BTBD16: variants seen among roughly 807,000 people sequenced by gnomAD.
BTBD16 encodes the protein BTB domain containing 16, also known as BTB/POZ domain-containing protein 16.
A neutral mutation model predicts 67.4 loss-of-function variants in BTBD16; 66 were observed. The ratio of observed to expected loss-of-function variants is 0.98; its 90% CI spans 0.80 to 1.20. BTBD16 has a LOEUF of 1.20. Among genes scored for constraint, BTBD16 ranks in the 50% most tolerant of loss-of-function variants. The probability of loss-of-function intolerance (pLI) is 0.00; values close to 1 mark genes in which losing one functional copy is unlikely to be tolerated. For synonymous variants in BTBD16, 242 were observed against 236.4 expected, an observed-to-expected ratio of 1.02 and a Z score of -0.22; for missense variants, 634 against 616.0, an observed-to-expected ratio of 1.03 and a Z score of -0.31.
chr10:122,327,390 C>A (rs1183028231), intron 10 of BTBD16: 1 of 154,514 alleles, frequency 6.5e-6, no homozygotes, highest in African/African-American at 2.4e-5. Flanking sequence ...GTTGAGGACT[C>A]ACTGGGAGCC....
chr10:122,289,964 C>G lies in BTBD16; in HGVS notation c.441C>G (p.Ser147=), dbSNP rs748725255. The change falls in exon 6 of 16, where the codon TCC becomes TCG. Residue 147 remains serine, a synonymous_variant. Transcript: ENST00000260723. ...CCCCTGCAAAGAGGATCATCATTTCCTTGAAGATCAATGACCCACTGGTCA... is the reference window on the plus strand; with the variant it reads ...CCCCTGCAAAGAGGATCATCATTTCGTTGAAGATCAATGACCCACTGGTCA... ...EKSPAKRIII[S]LKINDPLVTK... 1.2e-6 allele frequency: 2 copies of G among 1,613,670 alleles called. No individual in the cohort carries two copies. The highest frequency in any genetic ancestry group is 1.7e-6 in the Non-Finnish European group (2 of 1,179,792).
At chr10:122,282,279 C>T (rs554730695) in intron 3 of BTBD16, among the ~76,000 whole-genome samples, 16 of 152,334 alleles carry the variant, frequency 1.1e-4, no homozygotes, top group Admixed American at 5.9e-4. Flanking sequence ...ACCCAAGCCA[C>T]GAGGGGGATC....
chr10:122,298,859 G>A (rs2096388457), intron 8 of BTBD16, 145 bp from the exon 9 acceptor site: 1 of 1,007,178 alleles, frequency 9.9e-7, no homozygotes, highest in South Asian at 1.8e-5. Context: ...AAAGGTATCT[G>A]CTGTAATTCA....
chr10:122,275,245 C>G, intron 2 of BTBD16, 146 bp downstream of exon 2: 1 of 775,976 alleles, frequency 1.3e-6, no homozygotes, highest in South Asian at 1.6e-5. Context: ...AGAGCGCGTC[C>G]AGGCAGCACC....
intron 4 of BTBD16, among the ~76,000 whole-genome samples, chr10:122,284,903 T>C (rs905417361): frequency 2.6e-5 from 4 of 152,142 alleles, no homozygotes; most frequent in Admixed American, 2.0e-4. Flanking sequence ...TGACATCCAG[T>C]GAGTGAATAT....
At chr10:122,329,366 C>T in intron 10 of BTBD16, 114 bp from the exon 11 acceptor site, 1 of 939,498 alleles carries the variant, frequency 1.1e-6, no homozygotes, top group Non-Finnish European at 1.6e-6. Context: ...GAGGCCCCAT[C>T]TCCCCCTGGC....
chr10:122,316,373 T>C (rs1045495604), intron 10 of BTBD16, among the ~76,000 whole-genome samples: 20 of 152,216 alleles, frequency 1.3e-4, no homozygotes, highest in African/African-American at 4.1e-4. Flanking sequence ...TCACTCTAGA[T>C]TTGTTTGCAT....
intron 8 of BTBD16, 147 bp downstream of exon 8, chr10:122,297,984 T>G (rs369825883): frequency 1.4e-6 from 1 of 695,120 alleles, no homozygotes; most frequent in Non-Finnish European, 2.4e-6. Flanking sequence ...ATGAACACAT[T>G]TGTGTGTTTT....
chr10:122,272,018 G>A (rs2096329748), intron 1 of BTBD16, among the ~76,000 whole-genome samples: 1 of 152,132 alleles, frequency 6.6e-6, no homozygotes, highest in African/African-American at 2.4e-5. Context: ...GCCACGTTGA[G>A]GATTTGGGGG....
chr10:122,327,652 C>T, intron 10 of BTBD16: 1 of 985,008 alleles, frequency 1.0e-6, no homozygotes, highest in Non-Finnish European at 1.2e-6. Context: ...ATTGCCACTT[C>T]CCAGAGGCCC....
intron 9 of BTBD16, among the ~76,000 whole-genome samples, chr10:122,299,938 C>T (rs146249372): frequency 6.6e-6 from 1 of 152,098 alleles, no homozygotes; most frequent in Admixed American, 6.5e-5. Context: ...GCCACGGGGC[C>T]CCCCCTGAAA....
Position 122,291,119 on chromosome 10 carries a change from T to C in BTBD16, c.515T>C (p.Val172Ala), listed in dbSNP as rs764996066. 4.5e-5 allele frequency: 73 copies of C among 1,613,242 alleles called. No individual in the cohort carries two copies. Among genetic ancestry groups the C allele is most frequent in the Middle Eastern group, 3.3e-4 (2 of 6,012 alleles). ...TALKNLYMSE[V>A]EINLEDLLGV... ...CTGAAGAACCTCTACATGAGTGAGG[T>C]GGAGATTAACTTGGAAGACCTACTG... Residue 172 changes from valine to alanine, a missense_variant, in exon 7 of 16, where the codon GTG (valine) becomes GCG (alanine). Coordinates refer to ENST00000260723, the MANE Select transcript of BTBD16 (RefSeq NM_144587.5).
intron 3 of BTBD16, 123 bp from the exon 4 acceptor site, chr10:122,283,728 C>A: frequency 2.7e-6 from 2 of 736,478 alleles, no homozygotes; most frequent in Non-Finnish European, 4.6e-6. Context: ...TTCCAAAGGG[C>A]GAGATATGAT....
chr10:122,321,269 G>A (rs568113177), intron 10 of BTBD16, among the ~76,000 whole-genome samples: 113 of 152,300 alleles, frequency 7.4e-4, no homozygotes, highest in African/African-American at 2.5e-3. Flanking sequence ...TGGACACCTA[G>A]GTTGATTCCA....
chr10:122,288,230 T>C (rs1429823823), intron 5 of BTBD16, among the ~76,000 whole-genome samples: 1 of 152,140 alleles, frequency 6.6e-6, no homozygotes. Context: ...CATCCTCCCA[T>C]TTACTCCCTG....
intron 9 of BTBD16, among the ~76,000 whole-genome samples, chr10:122,305,905 C>A (rs936318407): frequency 4.6e-5 from 7 of 152,346 alleles, no homozygotes; most frequent in African/African-American, 7.2e-5. Flanking sequence ...CATGTTGCTG[C>A]AAATGACATG....
intron 10 of BTBD16, among the ~76,000 whole-genome samples, chr10:122,313,033 C>T (rs554634287): frequency 1.8e-4 from 28 of 151,834 alleles, no homozygotes; most frequent in South Asian, 6.3e-4. Flanking sequence ...TGTGCTACCA[C>T]GCCTGGCTAA....
rs576131484 is a variant in BTBD16 at position 122,317,787 on chromosome 10, G to T, written c.911+10479G>T. On this transcript the variant is annotated intron_variant, in intron 10 of 15. Transcript: ENST00000260723. ...CCTCCACATCTTGTCCCACTGGAAGGCCTTCAGGGGCAATGACACCCATGA... is the reference window on the plus strand; with the variant it reads ...CCTCCACATCTTGTCCCACTGGAAGTCCTTCAGGGGCAATGACACCCATGA... Among the ~76,000 whole-genome samples, 256 of 152,278 alleles carry T rather than the reference G, an allele frequency of 1.7e-3. 2 individuals carry two copies. The highest frequency in any genetic ancestry group is 5.8e-3 in the African/African-American group (242 of 41,554).
At chr10:122,322,642 T>C (rs146118406) in intron 10 of BTBD16, among the ~76,000 whole-genome samples, 27 of 152,298 alleles carry the variant, frequency 1.8e-4, no homozygotes, top group African/African-American at 6.0e-4. Context: ...TCCACGGTGA[T>C]TTATACAGAA....
Sources: gnomAD v4.1 joint callset for allele counts (sites outside exome capture counted in the v4.1 genomes callset) on GRCh38, gnomAD v4.1.1 for gene constraint, MANE v1.5 for transcripts, NCBI Gene and HGNC (gene_info 2026-07-23, HGNC 2026-07-21) for gene names.